The following PINX1 variants were observed in gnomAD, a reference collection of about 807,000 sequenced individuals.
PINX1 encodes PIN2 (TERF1) interacting telomerase inhibitor 1.
A neutral mutation model predicts 25.4 loss-of-function variants in PINX1; 34 were observed. That is an observed-to-expected ratio of 1.34 (90% CI 1.02 to 1.78). PINX1 has a LOEUF of 1.78. Among genes scored for constraint, PINX1 ranks in the 40% most tolerant of loss-of-function variants. The probability of loss-of-function intolerance (pLI) is 0.00; values close to 1 mark genes in which losing one functional copy is unlikely to be tolerated. For synonymous variants in PINX1, 197 were observed against 147.7 expected (o/e 1.33, Z -2.42); for missense variants, 592 against 404.9 (o/e 1.46, Z -3.97).
chr8:10,794,584 G>A (rs1177823070), intron 6 of PINX1, among the ~76,000 whole-genome samples: 11 of 152,086 alleles, frequency 7.2e-5, no homozygotes, highest in African/African-American at 2.4e-4. Flanking sequence ...CTGCCACCAC[G>A]TCTGGCTAAT....
intron 4 of PINX1, among the ~76,000 whole-genome samples, chr8:10,829,050 G>C (rs1226988060): frequency 6.6e-6 from 1 of 152,282 alleles, no homozygotes; most frequent in Non-Finnish European, 1.5e-5. Flanking sequence ...CACCTTGAGA[G>C]GCTGAGGTGG....
At chr8:10,780,823 C>T (rs1115866) in intron 6 of PINX1, among the ~76,000 whole-genome samples, 93,665 of 152,036 alleles carry the variant, frequency 0.62, 29,965 homozygotes, top group African/African-American at 0.78. Context: ...AAAATCCCAA[C>T]GGCATTCTTA....
chr8:10,777,126 A>T (rs896772547), intron 6 of PINX1, among the ~76,000 whole-genome samples: 3 of 152,166 alleles, frequency 2.0e-5, no homozygotes, highest in Non-Finnish European at 2.9e-5. Flanking sequence ...GCTCTAACCA[A>T]ACAAAACAGC....
chr8:10,837,189 T>C (rs1798430508), intron 1 of PINX1, among the ~76,000 whole-genome samples: 1 of 152,194 alleles, frequency 6.6e-6, no homozygotes. Flanking sequence ...GCCAGGAATT[T>C]TGGTGCCTCC....
intron 6 of PINX1, among the ~76,000 whole-genome samples, chr8:10,768,447 C>T (rs954256778): frequency 2.6e-5 from 4 of 152,180 alleles, no homozygotes; most frequent in Non-Finnish European, 4.4e-5. Context: ...AGCGGGTCTT[C>T]GTAACTCCAG....
intron 6 of PINX1, among the ~76,000 whole-genome samples, chr8:10,805,784 C>G (rs544689509): frequency 8.4e-6 from 1 of 119,272 alleles, no homozygotes; most frequent in Non-Finnish European, 1.8e-5. Context: ...GAGTGGGTGG[C>G]AGAGCACAGG....
chr8:10,771,449 A>G (rs1430202969), intron 6 of PINX1: 1 of 152,200 alleles, frequency 6.6e-6, no homozygotes, highest in African/African-American at 2.4e-5. Flanking sequence ...TTTATTCCCC[A>G]TAATAGCAAC....
At chr8:10,832,225 C>T (rs867565536) in intron 3 of PINX1, among the ~76,000 whole-genome samples, 2 of 152,226 alleles carry the variant, frequency 1.3e-5, no homozygotes, top group East Asian at 3.9e-4. Context: ...GAGGAAGAAC[C>T]TTAAGTCCCC....
Position 10,818,013 on chromosome 8 carries a change from G to A in PINX1, c.471+2180C>T, listed in dbSNP as rs547097150. 3.9e-4 allele frequency among the ~76,000 whole-genome samples: 60 copies of A among 152,266 alleles called. 1 individual carries two copies. The South Asian group carries it at 0.011, about 28-fold the overall frequency. On this transcript the variant is annotated intron_variant, in intron 6 of 6. Coordinates refer to ENST00000314787, the MANE Select transcript of PINX1 (RefSeq NM_017884.6). Reference sequence around the variant, plus strand: ...CCGAAGATTTAATTTAATCGGTCTTGGGCAGAACCCTGGCATTAGCATTTG... The same window carrying A: ...CCGAAGATTTAATTTAATCGGTCTTAGGCAGAACCCTGGCATTAGCATTTG...
At chr8:10,823,457 G>C (rs1017387960) in intron 5 of PINX1, among the ~76,000 whole-genome samples, 3 of 151,996 alleles carry the variant, frequency 2.0e-5, no homozygotes, top group African/African-American at 7.2e-5. Flanking sequence ...AAATGGCTTT[G>C]TATCGATTGA....
chr8:10,839,757 G>A lies in PINX1; in HGVS notation c.-1C>T. On this transcript the variant is annotated 5_prime_UTR_variant, in exon 1 of 7. Transcript: ENST00000314787. The stretch of plus-strand genomic sequence containing the variant: ...ACTCACGTTCAGCCAGCATAGACAT[G>A]TCGGAGAGCCTGTGATACCGCCGCC... The A allele has an allele frequency of 6.2e-7, 1 of 1,604,546 alleles. No individual in the cohort carries two copies. The highest frequency in any genetic ancestry group is 1.1e-5 in the South Asian group (1 of 89,006).
chr8:10,829,003 T>C (rs989881910), intron 4 of PINX1, among the ~76,000 whole-genome samples: 13 of 152,108 alleles, frequency 8.5e-5, no homozygotes, highest in African/African-American at 3.1e-4. Flanking sequence ...CTACTAATCA[T>C]GAGGGTAGGT....
intron 6 of PINX1, among the ~76,000 whole-genome samples, chr8:10,780,498 G>A (rs1801551915): frequency 6.6e-6 from 1 of 152,040 alleles, no homozygotes. Flanking sequence ...TTAATATAAT[G>A]CATTACATTG....
At chr8:10,817,696 C>T (rs934332671) in intron 6 of PINX1, among the ~76,000 whole-genome samples, 8 of 152,140 alleles carry the variant, frequency 5.3e-5, no homozygotes, top group African/African-American at 9.7e-5. Flanking sequence ...GGGGGCTCCT[C>T]GGATGGGGAT....
intron 6 of PINX1, among the ~76,000 whole-genome samples, chr8:10,783,066 G>A (rs993383891): frequency 6.6e-6 from 1 of 152,094 alleles, no homozygotes; most frequent in Non-Finnish European, 1.5e-5. Flanking sequence ...TCCATAGATT[G>A]CAAGAAATTT....
chr8:10,785,473 A>C (rs1586149610), intron 6 of PINX1, among the ~76,000 whole-genome samples: 1 of 152,352 alleles, frequency 6.6e-6, no homozygotes, highest in Non-Finnish European at 1.5e-5. Context: ...GGCACAGGAA[A>C]ATGTTTATTT....
In PINX1 at chr8:10,765,304, G is replaced by A. The variant is rs1361870900; in HGVS notation, c.*97C>T. On this transcript the variant is annotated 3_prime_UTR_variant, in exon 7 of 7. Transcript: ENST00000314787. ...GGCATGCCACAAGATGCGCCCAGGC[G>A]CTCTGGGGTGAACTCTGCTGTGACT... is the stretch of plus-strand genomic sequence containing the variant. 3.3e-6 allele frequency: 4 copies of A among 1,197,350 alleles called. No individual in the cohort carries two copies. Among genetic ancestry groups the A allele is most frequent in the Non-Finnish European group, 3.4e-6 (3 of 879,284 alleles). 74.2% of individuals were successfully genotyped at this position (1,197,350 alleles called of 1,614,324 possible). A position where few individuals can be genotyped will look rare whatever the true frequency, so the allele number is the denominator to read the frequency against.
In PINX1 at chr8:10,776,470, T is replaced by C. The variant is rs538437153; in HGVS notation, c.472-10554A>G. Among the ~76,000 whole-genome samples, 1,329 of 146,730 alleles carry C rather than the reference T, an allele frequency of 9.1e-3. 19 individuals carry two copies. Among genetic ancestry groups the C allele is most frequent in the African/African-American group, 0.031 (1,223 of 38,972 alleles). ...ATAAACAAACAAACAAACAAACAAATAAAAATTGGTCTTTAACATTATATA... is the reference window on the plus strand; with the variant it reads ...ATAAACAAACAAACAAACAAACAAACAAAAATTGGTCTTTAACATTATATA... On this transcript the variant is annotated intron_variant, in intron 6 of 6. Transcript: ENST00000314787.
At chr8:10,793,403 T>C (rs891555) in intron 6 of PINX1, among the ~76,000 whole-genome samples, 36,434 of 152,128 alleles carry the variant, frequency 0.24, 4,480 homozygotes, top group East Asian at 0.34. Flanking sequence ...AGAAGAATTG[T>C]CTTGGGCCAT....
Sources: gnomAD v4.1 joint callset for allele counts (sites outside exome capture counted in the v4.1 genomes callset) on GRCh38, gnomAD v4.1.1 for gene constraint, MANE v1.5 for transcripts, NCBI Gene and HGNC (gene_info 2026-07-23, HGNC 2026-07-21) for gene names.